TAFA2: variants seen among roughly 807,000 people sequenced by gnomAD.
The protein encoded by TAFA2 is TAFA chemokine like family member 2, also known as chemokine-like protein TAFA-2.
Under a neutral mutation model 18.8 loss-of-function variants are expected in TAFA2, and 7 were observed. That is an observed-to-expected ratio of 0.37 (90% CI 0.21 to 0.70). The LOEUF is 0.70. Among genes scored for constraint, TAFA2 ranks in the 30% least tolerant of loss-of-function variants. The pLI, the probability that TAFA2 is intolerant of heterozygous loss-of-function variation, is 0.53. For missense variants in TAFA2, 122 were observed against 158.1 expected, an observed-to-expected ratio of 0.77 and a Z score of 1.23; for synonymous variants, 60 against 54.2, an observed-to-expected ratio of 1.11 and a Z score of -0.47.
At chr12:61,892,073 C>T (rs1212792067) in intron 1 of TAFA2, among the ~76,000 whole-genome samples, 2 of 151,042 alleles carry the variant, frequency 1.3e-5, no homozygotes, top group African/African-American at 2.4e-5. Context: ...TGATGATGGC[C>T]TGACCTACAA....
At chr12:62,061,216 C>T (rs1882339584) in intron 1 of TAFA2, among the ~76,000 whole-genome samples, 1 of 152,222 alleles carries the variant, frequency 6.6e-6, no homozygotes, top group Non-Finnish European at 1.5e-5. Context: ...AACTTCCAAT[C>T]CTGCAATCTC....
intron 1 of TAFA2, among the ~76,000 whole-genome samples, chr12:61,957,069 G>T (rs11174255): frequency 0.1 from 15,376 of 152,152 alleles, 854 homozygotes; most frequent in East Asian, 0.22. Context: ...GTTCCCAGGT[G>T]TATCGCTGAC....
upstream of TAFA2, among the ~76,000 whole-genome samples, chr12:62,194,032 G>C (rs1352848176): frequency 3.3e-5 from 5 of 152,136 alleles, 1 homozygote; most frequent in South Asian, 1.0e-3. Context: ...GCAATCATTT[G>C]TTTCCAAGGA....
chr12:62,144,036 A>C (rs2062260136), intron 1 of TAFA2, among the ~76,000 whole-genome samples: 1 of 123,688 alleles, frequency 8.1e-6, no homozygotes, highest in South Asian at 3.2e-4. Context: ...TGACAGAGTG[A>C]GACCCTATCT....
At chr12:61,929,771 A>G (rs931260116) in intron 1 of TAFA2, among the ~76,000 whole-genome samples, 26 of 152,128 alleles carry the variant, frequency 1.7e-4, no homozygotes, top group Non-Finnish European at 8.8e-5. Flanking sequence ...TCCAACAATG[A>G]TAGCCTGGAT....
intron 1 of TAFA2, among the ~76,000 whole-genome samples, chr12:61,960,029 C>T (rs1455799889): frequency 6.6e-6 from 1 of 151,934 alleles, no homozygotes; most frequent in East Asian, 1.9e-4. Context: ...TGTATACCAC[C>T]GGAACTAGCT....
intron 1 of TAFA2, among the ~76,000 whole-genome samples, chr12:62,071,335 A>G (rs931196945): frequency 6.6e-6 from 1 of 152,190 alleles, no homozygotes. Context: ...AAAGGATCAC[A>G]AAATAAGCTC....
intron 1 of TAFA2, among the ~76,000 whole-genome samples, chr12:61,883,018 T>C (rs1422170363): frequency 6.6e-6 from 1 of 152,202 alleles, no homozygotes; most frequent in African/African-American, 2.4e-5. Context: ...ACAACCTAAC[T>C]GATCATTTAA....
At chr12:61,790,372 T>A (rs773321227) in intron 2 of TAFA2, among the ~76,000 whole-genome samples, 8 of 151,814 alleles carry the variant, frequency 5.3e-5, no homozygotes, top group Non-Finnish European at 1.2e-4. Context: ...GCCAGAGTAA[T>A]GAGGCAACAG....
intron 1 of TAFA2, among the ~76,000 whole-genome samples, chr12:61,986,728 C>A (rs1592531608): frequency 6.6e-6 from 1 of 151,422 alleles, no homozygotes; most frequent in East Asian, 1.9e-4. Context: ...TTAATTGCGT[C>A]AAGTTGCAAC....
chr12:62,227,715 C>T (rs569809433), intron 1 of TAFA2, among the ~76,000 whole-genome samples: 2 of 152,264 alleles, frequency 1.3e-5, no homozygotes, highest in Non-Finnish European at 1.5e-5. Flanking sequence ...TGTCCTGAAG[C>T]GTTTCCCAAA....
Position 62,008,579 on chromosome 12 carries a change from T to C in TAFA2, c.-1-141153A>G, listed in dbSNP as rs149549817. Among the ~76,000 whole-genome samples, 17 of 152,278 alleles carry C rather than the reference T, an allele frequency of 1.1e-4. No homozygotes were observed. The East Asian group carries it at 3.1e-3, about 28-fold the overall frequency. On this transcript the variant is annotated intron_variant, in intron 1 of 4. Transcript: ENST00000416284. ...TAAGTCTAATTCTAAGTCTAATACC[T>C]ATGATATTCTATTTAAAATATTACT...
intron 1 of TAFA2, among the ~76,000 whole-genome samples, chr12:62,187,984 T>C (rs1361159806): frequency 7.2e-5 from 11 of 152,232 alleles, no homozygotes; most frequent in African/African-American, 2.7e-4. Flanking sequence ...CCATATTACA[T>C]GGCATTATAA....
intron 1 of TAFA2, among the ~76,000 whole-genome samples, chr12:62,062,811 G>GCCT (rs1882386412): frequency 2.0e-5 from 3 of 152,220 alleles, no homozygotes; most frequent in Non-Finnish European, 4.4e-5. Flanking sequence ...AATAGTGGAG[G>GCCT]TAACCATTTT....
chr12:62,131,475 G>T (rs911268116), intron 1 of TAFA2, among the ~76,000 whole-genome samples: 2 of 152,024 alleles, frequency 1.3e-5, no homozygotes, highest in African/African-American at 2.4e-5. Flanking sequence ...TACCTGAGTA[G>T]TGTTCCACTA....
intron 1 of TAFA2, among the ~76,000 whole-genome samples, chr12:62,103,127 A>G (rs1314538202): frequency 1.3e-5 from 2 of 152,190 alleles, no homozygotes; most frequent in Non-Finnish European, 2.9e-5. Context: ...ATCTTTTAAC[A>G]CTGTCATCTT....
chr12:62,036,911 C>T (rs902996588), intron 1 of TAFA2, among the ~76,000 whole-genome samples: 1 of 152,200 alleles, frequency 6.6e-6, no homozygotes, highest in Non-Finnish European at 1.5e-5. Flanking sequence ...CTTGTTAACT[C>T]AGTTCCTTCT....
chr12:62,113,854 G>A (rs144705994), intron 1 of TAFA2, among the ~76,000 whole-genome samples: 10 of 152,272 alleles, frequency 6.6e-5, no homozygotes, highest in East Asian at 5.8e-4. Flanking sequence ...AACCAAGCTC[G>A]AGCATCCAGG....
intron 1 of TAFA2, among the ~76,000 whole-genome samples, chr12:61,892,995 G>A (rs3925509): frequency 0.83 from 125,845 of 152,246 alleles, 52,548 homozygotes; most frequent in African/African-American, 0.94. Flanking sequence ...CTAGGCAATC[G>A]TAACTCTGAG....
Sources: gnomAD v4.1 joint callset for allele counts (sites outside exome capture counted in the v4.1 genomes callset) on GRCh38, gnomAD v4.1.1 for gene constraint, MANE v1.5 for transcripts, NCBI Gene and HGNC (gene_info 2026-07-23, HGNC 2026-07-21) for gene names.